C10orf53: variants seen among roughly 807,000 people sequenced by gnomAD.
C10orf53 encodes chromosome 10 open reading frame 53.
Under a neutral mutation model 9.4 loss-of-function variants are expected in C10orf53, and 8 were observed. The observed-to-expected ratio is 0.85, with a 90% CI of 0.50 to 1.53. C10orf53 has a LOEUF of 1.53. Among genes scored for constraint, C10orf53 ranks in the 40% most tolerant of loss-of-function variants. The probability of loss-of-function intolerance (pLI) is 0.00; values close to 1 mark genes in which losing one functional copy is unlikely to be tolerated. For missense variants in C10orf53, 117 were observed against 117.8 expected (o/e 0.99, Z 0.03); for synonymous variants, 48 against 46.0 (o/e 1.04, Z -0.18).
exon 3 of C10orf53, chr10:49,708,972 A>C (rs1016306451): frequency 1.6e-5 from 4 of 245,964 alleles, no homozygotes; most frequent in Non-Finnish European, 3.1e-5. Flanking sequence ...TCTCTTCCCC[A>C]AGCTGTTTAA....
rs1407041894 is a variant in C10orf53, at chr10:49,695,735, A to G, written c.*1133A>G. The G allele has an allele frequency of 1.3e-5, 2 of 152,258 alleles. No homozygotes were observed. Among genetic ancestry groups the G allele is most frequent in the African/African-American group, 4.8e-5 (2 of 41,466 alleles). The allele number at this position is 152,258 out of a possible 1,614,324, so 9.4% of individuals were successfully genotyped here. A position where few individuals can be genotyped will look rare whatever the true frequency, so the allele number is the denominator to read the frequency against. The stretch of plus-strand genomic sequence containing the variant: ...ATATAATTTTTAAAACCCCAGCCCA[A>G]GCTTCACTTGTCAGAGTTGATTCAG... On this transcript the variant is annotated 3_prime_UTR_variant, in exon 3 of 3. Coordinates refer to ENST00000374111, the MANE Select transcript of C10orf53 (RefSeq NM_001042427.3).
intron 1 of C10orf53, among the ~76,000 whole-genome samples, chr10:49,692,785 T>A (rs1404216266): frequency 6.6e-6 from 1 of 152,216 alleles, no homozygotes; most frequent in Non-Finnish European, 1.5e-5. Flanking sequence ...ATAAAAAGAT[T>A]AAATCTGACA....
downstream of C10orf53, among the ~76,000 whole-genome samples, chr10:49,700,707 C>T (rs550311715): frequency 6.6e-6 from 1 of 152,238 alleles, no homozygotes; most frequent in East Asian, 1.9e-4. Context: ...TGGAGGAAGG[C>T]CTGGGGGAAG....
chr10:49,697,952 G>A (rs1840650193), downstream of C10orf53, among the ~76,000 whole-genome samples: 2 of 152,050 alleles, frequency 1.3e-5, no homozygotes, highest in African/African-American at 2.4e-5. Flanking sequence ...CTCCTCCCTG[G>A]GGCCTTATTG....
chr10:49,694,667 AGGCAGAAGT>A lies in C10orf53; in HGVS notation c.*69_*77del, dbSNP rs1378343624. 4.3e-6 allele frequency: 7 copies of A among 1,611,914 alleles called. No individual in the cohort carries two copies. The highest frequency in any genetic ancestry group is 5.9e-6 in the Non-Finnish European group (7 of 1,178,978). On this transcript the variant is annotated 3_prime_UTR_variant, in exon 3 of 3. Transcript: ENST00000374111. ...AGCTGCCCCAGCCATTCTATGATGC[AGGCAGAAGT>A]GGCTGTGCCACGGTGTGGACACTGG...
chr10:49,694,787 C>T lies in C10orf53; in HGVS notation c.*185C>T. On this transcript the variant is annotated 3_prime_UTR_variant, in exon 3 of 3. Transcript: ENST00000374111. ...TGTCACCTGGCTGCACAGGAGCCCA[C>T]AGAAATAATAAAAACCACATCATTT... 1 of 1,401,040 alleles carries T rather than the reference C, an allele frequency of 7.1e-7. No homozygotes were observed. The highest frequency in any genetic ancestry group is 9.3e-7 in the Non-Finnish European group (1 of 1,080,560). 86.8% of individuals were successfully genotyped at this position (1,401,040 alleles called of 1,614,324 possible).
chr10:49,694,583 C>T lies in C10orf53; in HGVS notation c.263C>T (p.Ala88Val). ...CCACTGTGTGAAAAGGCCAGGATAG[C>T]CGTGCTGAATGCCTACTGATCTCCT... ...LDPLCEKARI[A>V]VLNAY Residue 88 changes from alanine (A) to valine (V), a missense_variant, in exon 3 of 3, where the codon GCC (alanine) becomes GTC (valine). Coordinates refer to ENST00000374111, the MANE Select transcript of C10orf53 (RefSeq NM_001042427.3). 1 of 1,614,188 alleles carries T rather than the reference C, an allele frequency of 6.2e-7. No homozygotes were observed. The highest frequency in any genetic ancestry group is 8.5e-7 in the Non-Finnish European group (1 of 1,180,016).
downstream of C10orf53, among the ~76,000 whole-genome samples, chr10:49,700,334 G>A (rs1004465007): frequency 1.3e-5 from 2 of 152,226 alleles, no homozygotes; most frequent in Admixed American, 6.5e-5. Flanking sequence ...CAGGGTGTTA[G>A]GACAGGACTA....
At position 49,694,604 on chromosome 10, in the gene C10orf53, C is replaced by G. The variant is rs11101213; in HGVS notation, c.*2C>G. 1,640 of 1,614,254 alleles carry G rather than the reference C, an allele frequency of 1.0e-3. 32 individuals are homozygous for G. The East Asian group carries it at 0.03, about 29-fold the overall frequency. ...ATAGCCGTGCTGAATGCCTACTGAT[C>G]TCCTCATGGAACAGGCATCTCAAGT... is the stretch of plus-strand genomic sequence containing the variant. On this transcript the variant is annotated 3_prime_UTR_variant, in exon 3 of 3. Coordinates refer to ENST00000374111, the MANE Select transcript of C10orf53 (RefSeq NM_001042427.3).
At chr10:49,689,959 A>G (rs1440753060) in intron 1 of C10orf53, among the ~76,000 whole-genome samples, 1 of 152,218 alleles carries the variant, frequency 6.6e-6, no homozygotes, top group Admixed American at 6.5e-5. Context: ...TAAAGAAACA[A>G]GAAAGGAGGT....
downstream of C10orf53, among the ~76,000 whole-genome samples, chr10:49,701,701 T>C (rs914974377): frequency 6.6e-6 from 1 of 152,128 alleles, no homozygotes; most frequent in Non-Finnish European, 1.5e-5. Flanking sequence ...CAGGCCCTCC[T>C]TGAAGCCTGC....
At chr10:49,703,690 C>G (rs1045386064) in intron 2 of C10orf53, among the ~76,000 whole-genome samples, 2 of 152,090 alleles carry the variant, frequency 1.3e-5, no homozygotes, top group African/African-American at 4.8e-5. Context: ...ATTTCTAGAC[C>G]GTCCTAAAGC....
At chr10:49,709,404 A>G (rs941827441) in exon 3 of C10orf53, 1 of 152,156 alleles carries the variant, frequency 6.6e-6, no homozygotes, top group Non-Finnish European at 1.5e-5. Context: ...CGGCAGCATG[A>G]CCATGGGCTC....
intron 1 of C10orf53, among the ~76,000 whole-genome samples, chr10:49,687,288 A>T (rs1258265): frequency 0.95 from 144,188 of 152,316 alleles, 68,598 homozygotes; most frequent in Non-Finnish European, 0.99. Context: ...TTAAAGCAGG[A>T]TGCATAAATG....
chr10:49,702,373 ATT>A (rs1267900122), downstream of C10orf53, among the ~76,000 whole-genome samples: 1 of 152,056 alleles, frequency 6.6e-6, no homozygotes, highest in Non-Finnish European at 1.5e-5. Flanking sequence ...CTGTGAGGAT[ATT>A]TCTGGCTGAG....
At position 49,708,309 on chromosome 10, in the gene C10orf53, C is replaced by T. The variant is rs1022445478; in HGVS notation, c.218-52C>T. ...GAGTGTTCAGTCGACAACAGCAGGACTCTGTCTCCATCTCTTGATGCTGCT... is the reference window on the plus strand; with the variant it reads ...GAGTGTTCAGTCGACAACAGCAGGATTCTGTCTCCATCTCTTGATGCTGCT... On this transcript the variant is annotated intron_variant, in intron 2 of 2. Transcript: ENST00000374112. 3 of 1,594,882 alleles carry T rather than the reference C, an allele frequency of 1.9e-6. No homozygotes were observed. The Admixed American group carries it at 5.1e-5, about 27-fold the overall frequency.
intron 1 of C10orf53, among the ~76,000 whole-genome samples, chr10:49,689,548 G>T (rs1364603548): frequency 6.6e-6 from 1 of 152,028 alleles, no homozygotes; most frequent in Non-Finnish European, 1.5e-5. Context: ...CCTCACACAC[G>T]CACTAGGATG....
intron 1 of C10orf53, 71 bp downstream of exon 1, chr10:49,679,865 C>A: frequency 1.5e-6 from 2 of 1,350,508 alleles, no homozygotes; most frequent in Non-Finnish European, 2.0e-6. Flanking sequence ...GTGCCCTGTG[C>A]CTAGGCCTTC....
intron 1 of C10orf53, among the ~76,000 whole-genome samples, chr10:49,683,136 G>A (rs1840495760): frequency 1.3e-5 from 2 of 152,290 alleles, no homozygotes; most frequent in East Asian, 3.9e-4. Flanking sequence ...TGACCAAACT[G>A]TTTTCCAAAG....
Sources: gnomAD v4.1 joint callset for allele counts (sites outside exome capture counted in the v4.1 genomes callset) on GRCh38, gnomAD v4.1.1 for gene constraint, MANE v1.5 for transcripts, NCBI Gene and HGNC (gene_info 2026-07-23, HGNC 2026-07-21) for gene names.